PCDH11X: variants seen among roughly 807,000 people sequenced by gnomAD.
PCDH11X encodes protocadherin-11 X-linked.
A neutral mutation model predicts 53.3 loss-of-function variants in PCDH11X; 18 were observed. The ratio of observed to expected loss-of-function variants is 0.34; its 90% CI spans 0.23 to 0.50. PCDH11X has a LOEUF of 0.50. Ranked by LOEUF, PCDH11X falls within the 20% of genes least tolerant of loss-of-function variation. PCDH11X has a pLI of 0.98. For synonymous variants in PCDH11X, 279 were observed against 393.3 expected, an observed-to-expected ratio of 0.71 and a Z score of 3.44; for missense variants, 570 against 1,032.4, an observed-to-expected ratio of 0.55 and a Z score of 6.14.
At position 91,898,822 on chromosome X, in the gene PCDH11X, G is replaced by A. The variant is rs780428601; in HGVS notation, c.3033+19549G>A. Among the ~76,000 whole-genome samples the A allele has an allele frequency of 1.1e-3, 118 of 110,374 alleles. 1 individual carries two copies. Among genetic ancestry groups the A allele is most frequent in the Admixed American group, 0.01 (105 of 10,242 alleles). On this transcript the variant is annotated intron_variant, in intron 6 of 10. Coordinates refer to ENST00000682573, the MANE Select transcript of PCDH11X (RefSeq NM_032968.5). ...AGCTAACCAAAATAATACCATTCTA[G>A]GAGCCAGACCATTGTTGAGGTTTAG...
At chrX:92,476,011 G>A (rs1294649049) in intron 10 of PCDH11X, among the ~76,000 whole-genome samples, 2 of 111,643 alleles carry the variant, frequency 1.8e-5, no homozygotes, top group African/African-American at 6.5e-5. Flanking sequence ...ATTTTGAATT[G>A]TAGCTCCCAT....
intron 10 of PCDH11X, among the ~76,000 whole-genome samples, chrX:92,593,257 G>C (rs1329235178): frequency 9.0e-6 from 1 of 111,405 alleles, no homozygotes. Context: ...TTCTAAATAA[G>C]GTCTGGAGAC....
At chrX:92,324,322 G>T (rs1482646406) in intron 8 of PCDH11X, among the ~76,000 whole-genome samples, 1 of 111,573 alleles carries the variant, frequency 9.0e-6, no homozygotes, top group East Asian at 2.8e-4. Flanking sequence ...CCTGTTGCTG[G>T]AAGGCAATAA....
At chrX:92,463,876 T>A (rs963167935) in intron 9 of PCDH11X, among the ~76,000 whole-genome samples, 1 of 110,901 alleles carries the variant, frequency 9.0e-6, no homozygotes, top group Non-Finnish European at 1.9e-5. Context: ...GAAAAAAAAG[T>A]ACAACTCTAG....
At chrX:92,602,703 A>ATTTC (rs1926375059) in intron 10 of PCDH11X, among the ~76,000 whole-genome samples, 2 of 96,628 alleles carry the variant, frequency 2.1e-5, no homozygotes. Context: ...ATTCAATGGG[A>ATTTC]TATAGACTTC....
At chrX:92,098,820 T>C (rs1274680339) in intron 6 of PCDH11X, among the ~76,000 whole-genome samples, 3 of 109,534 alleles carry the variant, frequency 2.7e-5, no homozygotes, top group Non-Finnish European at 5.7e-5. Context: ...GCTAATTTTG[T>C]ATTTATAGTA....
At chrX:92,429,144 A>G (rs1431215151) in intron 9 of PCDH11X, among the ~76,000 whole-genome samples, 3 of 111,564 alleles carry the variant, frequency 2.7e-5, no homozygotes, top group Non-Finnish European at 3.8e-5. Flanking sequence ...ATTTAGGAGA[A>G]GTTAACTCAG....
At chrX:92,066,798 T>G (rs2148072018) in intron 6 of PCDH11X, among the ~76,000 whole-genome samples, 1 of 112,627 alleles carries the variant, frequency 8.9e-6, no homozygotes, top group African/African-American at 3.2e-5. Context: ...ATAATTTCAC[T>G]TCTTCCTTTA....
chrX:92,009,446 A>G (rs1387070275), intron 6 of PCDH11X, among the ~76,000 whole-genome samples: 1 of 111,194 alleles, frequency 9.0e-6, no homozygotes, highest in Non-Finnish European at 1.9e-5. Flanking sequence ...AATAAAAAGT[A>G]TGTGGCTTCT....
At chrX:92,223,678 A>T (rs1028575860) in intron 7 of PCDH11X, among the ~76,000 whole-genome samples, 29 of 111,957 alleles carry the variant, frequency 2.6e-4, no homozygotes, top group African/African-American at 9.4e-4. Context: ...AATTTTCACC[A>T]AACTATTTAA....
intron 7 of PCDH11X, among the ~76,000 whole-genome samples, chrX:92,235,270 C>T (rs1327872604): frequency 1.8e-5 from 2 of 110,802 alleles, no homozygotes; most frequent in Non-Finnish European, 3.8e-5. Context: ...CTGAGATTCC[C>T]GGAGGCTTTG....
At chrX:92,281,654 G>T (rs1022599115) in intron 8 of PCDH11X, among the ~76,000 whole-genome samples, 1 of 111,651 alleles carries the variant, frequency 9.0e-6, no homozygotes, top group Non-Finnish European at 1.9e-5. Context: ...TGGGTTTTAT[G>T]ACTTCCTTGT....
At chrX:92,405,864 G>T (rs1239880658) in intron 9 of PCDH11X, among the ~76,000 whole-genome samples, 4 of 110,978 alleles carry the variant, frequency 3.6e-5, no homozygotes, top group African/African-American at 1.3e-4. Flanking sequence ...GGAGGCCGAG[G>T]TGGGTGGATC....
At chrX:91,945,033 C>T (rs1394338033) in intron 6 of PCDH11X, among the ~76,000 whole-genome samples, 1 of 54,488 alleles carries the variant, frequency 1.8e-5, no homozygotes, top group African/African-American at 5.9e-5. Flanking sequence ...TCTAAGTCTT[C>T]GTAGACATCA....
chrX:91,986,680 C>A (rs1472961760), intron 6 of PCDH11X, among the ~76,000 whole-genome samples: 1 of 107,075 alleles, frequency 9.3e-6, no homozygotes, highest in Non-Finnish European at 1.9e-5. Flanking sequence ...TCTCACCCTT[C>A]TTCACCTCAT....
chrX:91,811,534 A>G (rs1304552295), intron 4 of PCDH11X, among the ~76,000 whole-genome samples: 2 of 110,495 alleles, frequency 1.8e-5, no homozygotes, highest in Non-Finnish European at 3.8e-5. Context: ...AATCCCACAA[A>G]TTATAGTAAG....
chrX:92,259,987 G>A (rs183814594), intron 7 of PCDH11X, among the ~76,000 whole-genome samples: 19 of 110,936 alleles, frequency 1.7e-4, no homozygotes, highest in African/African-American at 3.3e-4. Flanking sequence ...AAAGTCCTCC[G>A]CATTCTTCCC....
At chrX:92,101,399 A>T (rs946075598) in intron 6 of PCDH11X, among the ~76,000 whole-genome samples, 1 of 111,591 alleles carries the variant, frequency 9.0e-6, no homozygotes, top group Admixed American at 9.5e-5. Flanking sequence ...AGGGAAAGTG[A>T]TAAAAGTATT....
At chrX:92,572,286 G>A (rs897833103) in intron 10 of PCDH11X, among the ~76,000 whole-genome samples, 17 of 110,451 alleles carry the variant, frequency 1.5e-4, no homozygotes, top group Non-Finnish European at 3.8e-5. Flanking sequence ...CACGTCTTAT[G>A]TAATGGATGT....
Sources: gnomAD v4.1 joint callset for allele counts (sites outside exome capture counted in the v4.1 genomes callset) on GRCh38, gnomAD v4.1.1 for gene constraint, MANE v1.5 for transcripts, NCBI Gene and HGNC (gene_info 2026-07-23, HGNC 2026-07-21) for gene names.